LARP4B: variants seen among roughly 807,000 people sequenced by gnomAD.
LARP4B encodes La ribonucleoprotein 4B, also known as la-related protein 4B.
A neutral mutation model predicts 89.8 loss-of-function variants in LARP4B; 12 were observed. That is an observed-to-expected ratio of 0.13 (90% confidence interval 0.09 to 0.22). The LOEUF is 0.22. Among genes scored for constraint, LARP4B ranks in the 10% least tolerant of loss-of-function variants. LARP4B has a pLI of 1.00. For missense variants in LARP4B, 757 were observed against 947.7 expected (o/e 0.80, Z 2.64); for synonymous variants, 367 against 363.3 (o/e 1.01, Z -0.12).
At chr10:878,442 G>A (rs1835540637) in intron 3 of LARP4B, among the ~76,000 whole-genome samples, 1 of 151,800 alleles carries the variant, frequency 6.6e-6, no homozygotes, top group Non-Finnish European at 1.5e-5. Context: ...CGTGACTCAT[G>A]TATCTCATCT....
intron 1 of LARP4B, chr10:903,311 A>T (rs1479063200): frequency 1.3e-5 from 2 of 152,184 alleles, no homozygotes; most frequent in Non-Finnish European, 2.9e-5. Context: ...AGGAAAAGGC[A>T]ACTTCCTGTT....
chr10:940,056 T>C, the LARP4B span, among the ~76,000 whole-genome samples: 6 of 141,510 alleles, frequency 4.2e-5, no homozygotes, highest in Admixed American at 1.4e-4. Context: ...TCACTCTTGT[T>C]GCCCAGGCTG....
At chr10:820,960 G>C (rs1332098191) in intron 13 of LARP4B, 115 bp from the exon 14 acceptor site, 1 of 874,780 alleles carries the variant, frequency 1.1e-6, no homozygotes, top group Non-Finnish European at 1.8e-6. Context: ...TTATCACTTT[G>C]AAACCTTTCA....
At chr10:915,656 T>C (rs1293983693) in intron 1 of LARP4B, among the ~76,000 whole-genome samples, 1 of 151,764 alleles carries the variant, frequency 6.6e-6, no homozygotes, top group East Asian at 1.9e-4. Flanking sequence ...TACAAACAAT[T>C]AGCTGGATGT....
chr10:959,342 A>ATCAATCCCACCTCCTCG, the LARP4B span, among the ~76,000 whole-genome samples: 2 of 146,992 alleles, frequency 1.4e-5, no homozygotes, highest in South Asian at 2.1e-4. Context: ...CCACCTCCTC[A>ATCAATCCCACCTCCTCG]TCAATCCCAC....
intron 3 of LARP4B, among the ~76,000 whole-genome samples, chr10:880,449 G>A (rs537843863): frequency 1.3e-5 from 2 of 152,228 alleles, no homozygotes; most frequent in South Asian, 2.1e-4. Flanking sequence ...CACCTTGGGA[G>A]GCCAAGGCGG....
chr10:886,656 C>T (rs935842572), intron 1 of LARP4B, among the ~76,000 whole-genome samples: 1 of 152,150 alleles, frequency 6.6e-6, no homozygotes, highest in South Asian at 2.1e-4. Context: ...GAAACCCCGT[C>T]GTATGCTATA....
At chr10:981,903 C>G in the LARP4B span, among the ~76,000 whole-genome samples, 1 of 152,136 alleles carries the variant, frequency 6.6e-6, no homozygotes, top group Non-Finnish European at 1.5e-5. Flanking sequence ...TTATCCCTAG[C>G]TGACCATGTA....
rs762111377 is a variant in LARP4B at position 813,087 on chromosome 10, G to T, written c.2056C>A (p.Leu686Met). 2 of 1,614,196 alleles carry T rather than the reference G, an allele frequency of 1.2e-6. No homozygotes were observed. Among genetic ancestry groups the T allele is most frequent in the Non-Finnish European group, 1.7e-6 (2 of 1,180,032 alleles). ...CGGTATCTCTCTGCGGGCTCTGCCAGCTTCTTTTCCTCCTTCCCACAACCA... is the reference window on the plus strand; with the variant it reads ...CGGTATCTCTCTGCGGGCTCTGCCATCTTCTTTTCCTCCTTCCCACAACCA... ...TVGCGKEEKKLAEPAERYREP... is the reference protein window; with the variant it reads ...TVGCGKEEKKMAEPAERYREP... The change falls in exon 18 of 18, where the codon CTG (leucine) becomes ATG (methionine). Residue 686 changes from leucine (L) to methionine (M), a missense_variant. Leu to Met is a conservative substitution (Grantham distance 15, BLOSUM62 2). Coordinates refer to ENST00000316157, the MANE Select transcript of LARP4B (RefSeq NM_015155.3).
the LARP4B span, among the ~76,000 whole-genome samples, chr10:965,824 G>T: frequency 6.6e-6 from 1 of 151,974 alleles, no homozygotes; most frequent in Non-Finnish European, 1.5e-5. Context: ...TGACATTTTG[G>T]TTTAGAATCA....
At chr10:846,225 C>T (rs907526338) in intron 5 of LARP4B, among the ~76,000 whole-genome samples, 1 of 152,252 alleles carries the variant, frequency 6.6e-6, no homozygotes, top group Admixed American at 6.5e-5. Context: ...GGCACTACTG[C>T]AGGCTCTGTG....
At chr10:923,870 T>C (rs886710876) in intron 1 of LARP4B, among the ~76,000 whole-genome samples, 28 of 152,212 alleles carry the variant, frequency 1.8e-4, no homozygotes, top group African/African-American at 6.5e-4. Context: ...AAAAAAGGCA[T>C]GTTTGAAATT....
chr10:870,015 A>C, intron 3 of LARP4B: 2 of 981,614 alleles, frequency 2.0e-6, no homozygotes, highest in Non-Finnish European at 2.4e-6. Context: ...ATACTTACGA[A>C]CTGTCCGTCT....
intron 1 of LARP4B, among the ~76,000 whole-genome samples, chr10:907,018 A>T (rs547850205): frequency 6.6e-6 from 1 of 152,346 alleles, no homozygotes; most frequent in Admixed American, 6.5e-5. Context: ...GATAAAGTGA[A>T]AAGAACCACA....
chr10:922,347 C>T (rs555513065), intron 1 of LARP4B, among the ~76,000 whole-genome samples: 6 of 152,280 alleles, frequency 3.9e-5, no homozygotes, highest in Non-Finnish European at 8.8e-5. Flanking sequence ...GGTCGGACAA[C>T]CTGGGAGTTA....
At chr10:852,149 C>A (rs1398942950) in intron 5 of LARP4B, among the ~76,000 whole-genome samples, 1 of 152,072 alleles carries the variant, frequency 6.6e-6, no homozygotes, top group Non-Finnish European at 1.5e-5. Context: ...TTCACTTCCT[C>A]ATATGAGGGT....
intron 5 of LARP4B, among the ~76,000 whole-genome samples, chr10:862,040 G>C (rs187608499): frequency 3.9e-5 from 6 of 152,218 alleles, no homozygotes; most frequent in African/African-American, 1.2e-4. Flanking sequence ...AGTTACTGGT[G>C]AATTAACAAG....
intron 3 of LARP4B, among the ~76,000 whole-genome samples, chr10:866,677 G>A (rs148819351): frequency 1.9e-4 from 29 of 152,214 alleles, no homozygotes; most frequent in African/African-American, 6.3e-4. Flanking sequence ...TTCCAGCCTC[G>A]GTTCCATTCC....
chr10:874,632 G>C (rs936474968), intron 3 of LARP4B, among the ~76,000 whole-genome samples: 2 of 152,156 alleles, frequency 1.3e-5, no homozygotes, highest in African/African-American at 4.8e-5. Flanking sequence ...GTTCTGACAG[G>C]CTATGTGAAA....
Sources: gnomAD v4.1 joint callset for allele counts (sites outside exome capture counted in the v4.1 genomes callset) on GRCh38, gnomAD v4.1.1 for gene constraint, MANE v1.5 for transcripts, NCBI Gene and HGNC (gene_info 2026-07-23, HGNC 2026-07-21) for gene names.